The following FAF1 variants were observed in gnomAD, a reference collection of about 807,000 sequenced individuals.
The protein encoded by FAF1 is Fas associated factor 1.
In FAF1, 25 loss-of-function variants were observed where a neutral mutation model predicts 92.5. The observed-to-expected ratio is 0.27, with a 90% confidence interval of 0.20 to 0.38. The LOEUF is 0.38. Ranked by LOEUF, FAF1 falls within the 10% of genes least tolerant of loss-of-function variation. The pLI is 1.00. For missense variants in FAF1, 636 were observed against 793.3 expected, an observed-to-expected ratio of 0.80 and a Z score of 2.38; for synonymous variants, 234 against 273.2, an observed-to-expected ratio of 0.86 and a Z score of 1.42.
chr1:50,813,109 T>C (rs1488350109), intron 2 of FAF1, among the ~76,000 whole-genome samples: 2 of 151,846 alleles, frequency 1.3e-5, no homozygotes, highest in East Asian at 1.9e-4. Context: ...AAACTACCTA[T>C]CAGGTACTAT....
At chr1:50,527,490 T>G (rs1324240612) in intron 15 of FAF1, among the ~76,000 whole-genome samples, 1 of 152,208 alleles carries the variant, frequency 6.6e-6, no homozygotes, top group Non-Finnish European at 1.5e-5. Flanking sequence ...TAGTCAACAG[T>G]ACTGATTCTG....
intron 15 of FAF1, among the ~76,000 whole-genome samples, chr1:50,527,251 G>A (rs76893666): frequency 5.9e-5 from 9 of 152,250 alleles, no homozygotes; most frequent in Non-Finnish European, 1.2e-4. Context: ...ATAATGTTGA[G>A]CTTCTTTTCA....
chr1:50,699,846 G>A (rs1441298764), intron 7 of FAF1, among the ~76,000 whole-genome samples: 1 of 152,040 alleles, frequency 6.6e-6, no homozygotes, highest in East Asian at 1.9e-4. Flanking sequence ...TTTATGAAAG[G>A]AAAATATTAA....
At chr1:50,928,376 T>G (rs2124741080) in intron 1 of FAF1, among the ~76,000 whole-genome samples, 1 of 152,328 alleles carries the variant, frequency 6.6e-6, no homozygotes, top group Non-Finnish European at 1.5e-5. Flanking sequence ...TTTAAAAGAT[T>G]TATTCTACAT....
intron 18 of FAF1, among the ~76,000 whole-genome samples, chr1:50,460,306 T>A (rs1228290567): frequency 6.6e-6 from 1 of 152,240 alleles, no homozygotes; most frequent in South Asian, 2.1e-4. Flanking sequence ...CTTTCTGTTT[T>A]CAAAATGTCT....
At chr1:50,677,338 C>A (rs1468741334) in intron 7 of FAF1, among the ~76,000 whole-genome samples, 1 of 152,038 alleles carries the variant, frequency 6.6e-6, no homozygotes, top group Non-Finnish European at 1.5e-5. Context: ...AGCAATTTGG[C>A]AATATTAAAA....
chr1:50,603,496 T>C (rs754982676), intron 8 of FAF1, among the ~76,000 whole-genome samples: 46 of 152,238 alleles, frequency 3.0e-4, no homozygotes, highest in Non-Finnish European at 1.0e-4. Context: ...AGATGCTTAC[T>C]GTTCAGCTAA....
chr1:50,649,921 T>C (rs915952437), intron 8 of FAF1, among the ~76,000 whole-genome samples: 3 of 149,104 alleles, frequency 2.0e-5, no homozygotes, highest in African/African-American at 7.4e-5. Context: ...GCCAAGACCA[T>C]GCCATTGCAT....
chr1:50,681,551 A>G (rs1371751101), intron 7 of FAF1, among the ~76,000 whole-genome samples: 1 of 151,796 alleles, frequency 6.6e-6, no homozygotes, highest in Non-Finnish European at 1.5e-5. Flanking sequence ...CTTGTTGCCC[A>G]TGCTCGAGTG....
intron 18 of FAF1, among the ~76,000 whole-genome samples, chr1:50,458,056 A>T (rs1240938288): frequency 6.6e-6 from 1 of 151,228 alleles, no homozygotes; most frequent in East Asian, 2.0e-4. Flanking sequence ...TCTACTAAAA[A>T]TACAAAATTA....
chr1:50,654,848 T>A (rs2124292685), intron 8 of FAF1, among the ~76,000 whole-genome samples: 1 of 152,318 alleles, frequency 6.6e-6, no homozygotes, highest in South Asian at 2.1e-4. Context: ...ATCAAATTTT[T>A]GCATTGATAC....
At chr1:50,846,553 G>A (rs1644302396) in intron 2 of FAF1, 2 of 515,830 alleles carry the variant, frequency 3.9e-6, no homozygotes, top group Non-Finnish European at 7.7e-6. Context: ...TAGAGGTTCT[G>A]ATGGAAAAAG....
intron 15 of FAF1, among the ~76,000 whole-genome samples, chr1:50,497,764 G>A (rs150436159): frequency 0.03 from 4,530 of 151,848 alleles, 221 homozygotes; most frequent in African/African-American, 0.1. Flanking sequence ...TGGCCAGGCT[G>A]GTCTTGAACT....
At chr1:50,725,045 G>C (rs1011713251) in intron 6 of FAF1, among the ~76,000 whole-genome samples, 8 of 152,188 alleles carry the variant, frequency 5.3e-5, no homozygotes, top group Non-Finnish European at 1.0e-4. Flanking sequence ...TCTAGAGCAA[G>C]AGGTAAAAGA....
intron 8 of FAF1, among the ~76,000 whole-genome samples, chr1:50,623,331 G>A (rs528376360): frequency 7.8e-4 from 118 of 152,212 alleles, no homozygotes; most frequent in African/African-American, 2.3e-3. Context: ...ACTTTGGGAG[G>A]CCAAGGCGGG....
chr1:50,737,583 T>A (rs911762269), intron 6 of FAF1, among the ~76,000 whole-genome samples: 8 of 152,236 alleles, frequency 5.3e-5, no homozygotes, highest in Admixed American at 4.6e-4. Context: ...ATTTTGTAAC[T>A]GTGTGCAAAT....
chr1:50,453,136 G>A (rs1646313306), intron 18 of FAF1, among the ~76,000 whole-genome samples: 1 of 152,196 alleles, frequency 6.6e-6, no homozygotes, highest in Non-Finnish European at 1.5e-5. Context: ...AGACGTGGCT[G>A]GAAAGACAGT....
At chr1:50,844,252 A>G (rs1029794738) in intron 2 of FAF1, among the ~76,000 whole-genome samples, 3 of 152,082 alleles carry the variant, frequency 2.0e-5, no homozygotes, top group Admixed American at 6.6e-5. Context: ...GTTGAGTTGA[A>G]TTCCTTATAT....
intron 6 of FAF1, among the ~76,000 whole-genome samples, chr1:50,710,161 C>A (rs1287044746): frequency 1.3e-5 from 2 of 152,164 alleles, no homozygotes; most frequent in Non-Finnish European, 2.9e-5. Context: ...ACATATGAAT[C>A]TATGCATATG....
Sources: gnomAD v4.1 joint callset for allele counts (sites outside exome capture counted in the v4.1 genomes callset) on GRCh38, gnomAD v4.1.1 for gene constraint, MANE v1.5 for transcripts, NCBI Gene and HGNC (gene_info 2026-07-23, HGNC 2026-07-21) for gene names.